The following IFT81 variants were observed in gnomAD, a reference collection of about 807,000 sequenced individuals.
IFT81 encodes the protein intraflagellar transport protein 81 homolog.
A neutral mutation model predicts 102.6 loss-of-function variants in IFT81; 72 were observed. The ratio of observed to expected loss-of-function variants is 0.70; its 90% confidence interval spans 0.58 to 0.85. The LOEUF (loss-of-function observed/expected upper bound fraction) is 0.85. Among genes scored for constraint, IFT81 ranks in the 40% least tolerant of loss-of-function variants. The pLI is 0.00. For missense variants in IFT81, 723 were observed against 787.3 expected (o/e 0.92, Z 0.98); for synonymous variants, 237 against 242.7 (o/e 0.98, Z 0.22).
chr12:110,172,322 C>T (rs902890623), intron 11 of IFT81, among the ~76,000 whole-genome samples: 32 of 151,886 alleles, frequency 2.1e-4, no homozygotes, highest in African/African-American at 7.3e-4. Context: ...CCTCTGCCTC[C>T]TCTGCCTCCT....
chr12:110,138,580 G>A (rs1894656136), intron 8 of IFT81, among the ~76,000 whole-genome samples: 1 of 152,048 alleles, frequency 6.6e-6, no homozygotes, highest in South Asian at 2.1e-4. Flanking sequence ...TTACAGGTGT[G>A]TGCCACCACA....
intron 11 of IFT81, chr12:110,168,246 G>C (rs1433823510): frequency 6.6e-6 from 1 of 152,298 alleles, no homozygotes; most frequent in African/African-American, 2.4e-5. Context: ...TTGCTAGTAA[G>C]TAGTAGAACC....
At chr12:110,166,726 T>G (rs1896455080) in intron 11 of IFT81, among the ~76,000 whole-genome samples, 1 of 150,858 alleles carries the variant, frequency 6.6e-6, no homozygotes, top group Non-Finnish European at 1.5e-5. Context: ...ATTTACCCAT[T>G]CCTATAGTGC....
chr12:110,126,957 G>GT (rs1247365731), intron 1 of IFT81, among the ~76,000 whole-genome samples: 9 of 152,196 alleles, frequency 5.9e-5, no homozygotes, highest in Non-Finnish European at 8.8e-5. Context: ...ATCTCTCAAT[G>GT]TTTTTTGGGA....
chr12:110,141,649 G>A (rs1359707764), intron 8 of IFT81, among the ~76,000 whole-genome samples: 1 of 152,122 alleles, frequency 6.6e-6, no homozygotes, highest in Non-Finnish European at 1.5e-5. Context: ...GGAGGCCCAG[G>A]CAGGCGGATC....
chr12:110,191,084 G>T (rs1285449548), intron 13 of IFT81, 36 bp downstream of exon 13: 1 of 1,561,836 alleles, frequency 6.4e-7, no homozygotes, highest in Non-Finnish European at 8.7e-7. Context: ...CTTTTATTGT[G>T]TAGCTAGAAG....
intron 18 of IFT81, among the ~76,000 whole-genome samples, chr12:110,209,632 G>A (rs1869144656): frequency 6.6e-6 from 1 of 152,036 alleles, no homozygotes; most frequent in Non-Finnish European, 1.5e-5. Flanking sequence ...AGCCAGGCGT[G>A]GTGGCAGGCG....
chr12:110,156,568 C>G (rs1241831033), intron 10 of IFT81, among the ~76,000 whole-genome samples: 2 of 152,140 alleles, frequency 1.3e-5, no homozygotes, highest in East Asian at 1.9e-4. Flanking sequence ...ATGATCTCCA[C>G]TCACTGCAAT....
chr12:110,157,252 G>A (rs1425435054), intron 10 of IFT81, among the ~76,000 whole-genome samples: 1 of 152,128 alleles, frequency 6.6e-6, no homozygotes, highest in Admixed American at 6.5e-5. Context: ...GGGAGGCTGA[G>A]GCAGGAGAAT....
At chr12:110,198,554 A>AT (rs1308508992) in intron 14 of IFT81, among the ~76,000 whole-genome samples, 4 of 151,792 alleles carry the variant, frequency 2.6e-5, no homozygotes, top group African/African-American at 9.7e-5. Context: ...TTTCTCTCCC[A>AT]TTTTTTGCGG....
intron 12 of IFT81, among the ~76,000 whole-genome samples, chr12:110,184,299 G>A (rs909696575): frequency 6.6e-6 from 1 of 152,022 alleles, no homozygotes; most frequent in Non-Finnish European, 1.5e-5. Context: ...GCAGTGAGCC[G>A]AGATCATGCC....
At chr12:110,192,735 G>T in intron 14 of IFT81, 29 bp downstream of exon 14, 3 of 1,209,024 alleles carry the variant, frequency 2.5e-6, no homozygotes, top group South Asian at 2.6e-5. Flanking sequence ...CAAGTAATTT[G>T]ATTTTATGAT....
At chr12:110,217,647 C>T (rs1165301781) in intron 18 of IFT81, among the ~76,000 whole-genome samples, 2 of 151,730 alleles carry the variant, frequency 1.3e-5, no homozygotes, top group African/African-American at 2.4e-5. Context: ...CTGCAAACTC[C>T]GCCTCCCAGG....
At chr12:110,186,583 G>A (rs1008482441) in intron 12 of IFT81, among the ~76,000 whole-genome samples, 3 of 151,048 alleles carry the variant, frequency 2.0e-5, no homozygotes, top group East Asian at 1.9e-4. Context: ...GTGTGATCTC[G>A]GCTCATTGCA....
At chr12:110,153,555 A>G (rs1895662080) in intron 10 of IFT81, among the ~76,000 whole-genome samples, 1 of 147,810 alleles carries the variant, frequency 6.8e-6, no homozygotes, top group African/African-American at 2.5e-5. Flanking sequence ...CGTTAATTTA[A>G]GTGTTGGGTG....
At chr12:110,207,992 G>A (rs1386166940) in intron 17 of IFT81, among the ~76,000 whole-genome samples, 1 of 151,882 alleles carries the variant, frequency 6.6e-6, no homozygotes, top group Non-Finnish European at 1.5e-5. Context: ...AAAAACAACA[G>A]TAACCATTAT....
intron 1 of IFT81, among the ~76,000 whole-genome samples, chr12:110,125,458 G>C (rs766246453): frequency 1.3e-5 from 2 of 152,142 alleles, no homozygotes; most frequent in South Asian, 4.1e-4. Context: ...GCAGTGGCGC[G>C]ATCTCGGCTC....
chr12:110,207,895 A>C (rs1045155486), intron 17 of IFT81, among the ~76,000 whole-genome samples: 1 of 151,990 alleles, frequency 6.6e-6, no homozygotes, highest in African/African-American at 2.4e-5. Flanking sequence ...TTGAAATATA[A>C]TTTTGTTTAC....
intron 14 of IFT81, among the ~76,000 whole-genome samples, chr12:110,196,328 G>A (rs929211856): frequency 6.6e-6 from 1 of 152,148 alleles, no homozygotes; most frequent in Admixed American, 6.5e-5. Flanking sequence ...AGACTAGCCT[G>A]GCCAACATGG....
Sources: allele counts gnomAD v4.1 joint callset (sites outside exome capture counted in the v4.1 genomes callset), GRCh38; gene constraint gnomAD v4.1.1; transcripts MANE v1.5; gene names NCBI Gene and HGNC (gene_info 2026-07-23, HGNC 2026-07-21).